Variants in PDE3A observed in about 807,000 individuals in gnomAD.
PDE3A encodes the protein cGMP-inhibited 3',5'-cyclic phosphodiesterase 3A.
Under a neutral mutation model 98.3 loss-of-function variants are expected in PDE3A, and 43 were observed. The observed-to-expected ratio is 0.44, with a 90% CI of 0.34 to 0.56. The LOEUF is 0.56. PDE3A is among the 20% of genes least tolerant of loss of function. PDE3A has a pLI of 0.01. For synonymous variants in PDE3A, 663 were observed against 567.9 expected, an observed-to-expected ratio of 1.17 and a Z score of -2.38; for missense variants, 1,427 against 1,440.7, an observed-to-expected ratio of 0.99 and a Z score of 0.15.
At chr12:20,414,204 T>A (rs955063624) in intron 1 of PDE3A, among the ~76,000 whole-genome samples, 3 of 152,150 alleles carry the variant, frequency 2.0e-5, no homozygotes, top group African/African-American at 7.2e-5. Flanking sequence ...TTTGGAATCA[T>A]CCCTCCACAA....
chr12:20,658,150 T>C (rs1198251074), intron 15 of PDE3A, among the ~76,000 whole-genome samples: 1 of 152,248 alleles, frequency 6.6e-6, no homozygotes, highest in African/African-American at 2.4e-5. Context: ...TATTAATGTA[T>C]TTTATTGACT....
Position 20,369,405 on chromosome 12 carries a change from T to C in PDE3A, c.121T>C (p.Ser41Pro). 6.4e-7 allele frequency: 1 copy of C among 1,553,112 alleles called. No individual in the cohort carries two copies. Among genetic ancestry groups the C allele is most frequent in the South Asian group, 1.2e-5 (1 of 84,216 alleles). ...TGCGGACCCCGCATCGCCGCGGGAC[T>C]CGGGCTGCCGTGGCTGCTGGGGAGA... ...HRADPASPRD[S>P]GCRGCWGDLV... The change falls in exon 1 of 16, where the codon TCG (serine) becomes CCG (proline). Residue 41 changes from serine to proline, a missense_variant. Coordinates refer to ENST00000359062, the MANE Select transcript of PDE3A (RefSeq NM_000921.5).
chr12:20,551,641 A>G (rs1942204143), intron 1 of PDE3A: 6 of 1,589,838 alleles, frequency 3.8e-6, no homozygotes, highest in South Asian at 1.1e-5. Context: ...TGAGTGCGAC[A>G]TGGCCTTCCA....
chr12:20,387,766 G>T (rs7133921), intron 1 of PDE3A, among the ~76,000 whole-genome samples: 116,990 of 151,880 alleles, frequency 0.77, 45,378 homozygotes, highest in East Asian at 0.98. Flanking sequence ...ATGAAACATT[G>T]TTTACATACT....
intron 1 of PDE3A, among the ~76,000 whole-genome samples, chr12:20,543,568 A>G (rs1941977661): frequency 6.6e-6 from 1 of 152,030 alleles, no homozygotes; most frequent in South Asian, 2.1e-4. Context: ...GATTCAGTAG[A>G]CTTCATGGTC....
Position 20,390,918 on chromosome 12 carries a change from T to A in PDE3A, c.960+20674T>A, listed in dbSNP as rs868489698. ...CTATCACCCTATTTAAGATTAGATG[T>A]TAAGCACGGTCCTAAATCTTACAGG... On this transcript the variant is annotated intron_variant, in intron 1 of 15. Transcript: ENST00000359062. 1.1e-4 allele frequency among the ~76,000 whole-genome samples: 16 copies of A among 152,070 alleles called. No individual in the cohort carries two copies. In the South Asian group the frequency reaches 2.5e-3, roughly 24 times the overall value.
At chr12:20,504,592 G>A (rs1432978961) in intron 1 of PDE3A, among the ~76,000 whole-genome samples, 2 of 152,054 alleles carry the variant, frequency 1.3e-5, no homozygotes, top group Non-Finnish European at 2.9e-5. Flanking sequence ...TGCTGGCAAG[G>A]TCTCATTCCT....
At chr12:20,401,595 A>G (rs1944131555) in intron 1 of PDE3A, among the ~76,000 whole-genome samples, 1 of 151,858 alleles carries the variant, frequency 6.6e-6, no homozygotes, top group Admixed American at 6.6e-5. Context: ...TCATCTCTCT[A>G]TCCTGATCTC....
At chr12:20,376,897 A>G (rs1057366225) in intron 1 of PDE3A, among the ~76,000 whole-genome samples, 2 of 151,856 alleles carry the variant, frequency 1.3e-5, no homozygotes, top group Non-Finnish European at 2.9e-5. Context: ...TGTGTTTTTG[A>G]TTTGATTAGA....
At chr12:20,653,691 T>C (rs770921225) in intron 14 of PDE3A, among the ~76,000 whole-genome samples, 6 of 152,224 alleles carry the variant, frequency 3.9e-5, no homozygotes, top group Non-Finnish European at 8.8e-5. Context: ...TAAAAGACAC[T>C]GACTTGTGTG....
intron 1 of PDE3A, among the ~76,000 whole-genome samples, chr12:20,522,639 G>A (rs1239499549): frequency 6.6e-6 from 1 of 152,076 alleles, no homozygotes; most frequent in African/African-American, 2.4e-5. Flanking sequence ...TTAGTGAGTT[G>A]AGGCACGGTT....
At chr12:20,474,014 G>A (rs1405040697) in intron 1 of PDE3A, among the ~76,000 whole-genome samples, 1 of 152,054 alleles carries the variant, frequency 6.6e-6, no homozygotes, top group Non-Finnish European at 1.5e-5. Flanking sequence ...TAAATTGTTA[G>A]GTTAAATATG....
chr12:20,665,236 G>C (rs1945280513), intron 15 of PDE3A, among the ~76,000 whole-genome samples: 1 of 152,174 alleles, frequency 6.6e-6, no homozygotes, highest in African/African-American at 2.4e-5. Context: ...AGGGTCACTA[G>C]AACTGAGGAC....
chr12:20,543,550 A>T (rs1941977250), intron 1 of PDE3A, among the ~76,000 whole-genome samples: 1 of 152,070 alleles, frequency 6.6e-6, no homozygotes, highest in African/African-American at 2.4e-5. Flanking sequence ...TTAATGCAGA[A>T]AACCATTGAT....
intron 2 of PDE3A, among the ~76,000 whole-genome samples, chr12:20,569,828 C>G (rs1942753488): frequency 6.6e-6 from 1 of 152,128 alleles, no homozygotes; most frequent in Non-Finnish European, 1.5e-5. Flanking sequence ...GGATTGACGT[C>G]AAGCCCAATA....
chr12:20,627,921 C>T (rs1245163832), intron 5 of PDE3A, among the ~76,000 whole-genome samples: 1 of 152,122 alleles, frequency 6.6e-6, no homozygotes, highest in Non-Finnish European at 1.5e-5. Flanking sequence ...CTAAGATTAT[C>T]TGGAGTCCCT....
intron 1 of PDE3A, among the ~76,000 whole-genome samples, chr12:20,484,704 T>A (rs1945694713): frequency 6.6e-6 from 1 of 152,200 alleles, no homozygotes; most frequent in South Asian, 2.1e-4. Context: ...GGATAAAACA[T>A]ACACTTTGAA....
intron 2 of PDE3A, among the ~76,000 whole-genome samples, chr12:20,572,547 C>G (rs185989111): frequency 6.6e-6 from 1 of 152,076 alleles, no homozygotes; most frequent in East Asian, 1.9e-4. Context: ...AGCACCAAAT[C>G]TACATTTATC....
intron 1 of PDE3A, among the ~76,000 whole-genome samples, chr12:20,547,184 T>C (rs1942081389): frequency 6.6e-6 from 1 of 151,220 alleles, no homozygotes; most frequent in African/African-American, 2.5e-5. Flanking sequence ...ACTTTTTCGA[T>C]CTACTGTACT....
Sources: gnomAD v4.1 joint callset for allele counts (sites outside exome capture counted in the v4.1 genomes callset) on GRCh38, gnomAD v4.1.1 for gene constraint, MANE v1.5 for transcripts, NCBI Gene and HGNC (gene_info 2026-07-23, HGNC 2026-07-21) for gene names.